Variants in COL23A1 observed in about 807,000 individuals in gnomAD.
COL23A1 encodes the protein collagen alpha-1(XXIII) chain.
A neutral mutation model predicts 99.3 loss-of-function variants in COL23A1; 97 were observed. The observed-to-expected ratio is 0.98, with a 90% CI of 0.83 to 1.16. The LOEUF (loss-of-function observed/expected upper bound fraction) is 1.16. Among genes scored for constraint, COL23A1 ranks in the 50% most tolerant of loss-of-function variants. The pLI is 0.00. For synonymous variants in COL23A1, 320 were observed against 308.2 expected, an observed-to-expected ratio of 1.04 and a Z score of -0.40; for missense variants, 762 against 757.4, an observed-to-expected ratio of 1.01 and a Z score of -0.07.
Position 178,255,239 on chromosome 5 carries a change from G to C in COL23A1, c.883-213C>G, listed in dbSNP as rs149207441. On this transcript the variant is annotated intron_variant, in intron 15 of 28. Transcript: ENST00000390654. The surrounding 1 kb of genome is among the most constrained non-coding windows in gnomAD (Gnocchi z 4.2). ...CCTGTTTCCACCTGGTCTGAGGGGC[G>C]GCTGTAATTGCCCTCACGTGGGCAT... is the stretch of plus-strand genomic sequence containing the variant. Among the ~76,000 whole-genome samples, 6 of 152,072 alleles carry C rather than the reference G, an allele frequency of 3.9e-5. No individual in the cohort carries two copies. The highest frequency in any genetic ancestry group is 1.4e-4 in the African/African-American group (6 of 41,408).
Position 178,271,398 on chromosome 5 carries a change from C to G in COL23A1, c.442-1035G>C, listed in dbSNP as rs1756280071. Among the ~76,000 whole-genome samples, 6 of 152,346 alleles carry G rather than the reference C, an allele frequency of 3.9e-5. 1 individual carries two copies. In the South Asian group the frequency reaches 1.2e-3, roughly 32 times the overall value. On this transcript the variant is annotated intron_variant, in intron 5 of 28. Coordinates refer to ENST00000390654, the MANE Select transcript of COL23A1 (RefSeq NM_173465.4). ...CACCTGCCGGGCACATCCTTCCCTT[C>G]TTTGTCCATCTTCAGCTCAGTTACC...
At chr5:178,289,113 G>A (rs1176517363) in intron 4 of COL23A1, among the ~76,000 whole-genome samples, 1 of 152,044 alleles carries the variant, frequency 6.6e-6, no homozygotes, top group African/African-American at 2.4e-5. Flanking sequence ...ACACAATCCT[G>A]CTGTCTTGCT....
At chr5:178,563,077 A>G (rs1465890569) in intron 1 of COL23A1, among the ~76,000 whole-genome samples, 2 of 152,206 alleles carry the variant, frequency 1.3e-5, no homozygotes, top group Non-Finnish European at 2.9e-5. Flanking sequence ...GGGCAGCCAG[A>G]GGGTACTCCA....
intron 2 of COL23A1, among the ~76,000 whole-genome samples, chr5:178,450,786 T>C (rs1767443278): frequency 6.6e-6 from 1 of 152,030 alleles, no homozygotes; most frequent in Non-Finnish European, 1.5e-5. Flanking sequence ...GCCTGGGAGG[T>C]AGGGACCATT....
At chr5:178,272,744 C>A (rs1449085799) in intron 5 of COL23A1, among the ~76,000 whole-genome samples, 2 of 152,006 alleles carry the variant, frequency 1.3e-5, no homozygotes, top group Non-Finnish European at 2.9e-5. Context: ...TGCCCCTTGT[C>A]CCCCTACCCC....
chr5:178,392,118 A>AT (rs57353104), intron 2 of COL23A1, among the ~76,000 whole-genome samples: 2,481 of 137,128 alleles, frequency 0.018, 53 homozygotes, highest in African/African-American at 0.057. Flanking sequence ...AGTGTCTGCT[A>AT]TTTTTTTTTT....
chr5:178,313,134 C>A lies in COL23A1; in HGVS notation c.362-6215G>T, dbSNP rs1471739206. 6.6e-6 allele frequency among the ~76,000 whole-genome samples: 1 copy of A among 152,146 alleles called. No individual in the cohort carries two copies. Among genetic ancestry groups the A allele is most frequent in the Non-Finnish European group, 1.5e-5 (1 of 68,030 alleles). ...AGGATTCCACTTCTGGAGGCTCCTG[C>A]AGTCGCCAGATTCACAGGGGCAGAA... On this transcript the variant is annotated intron_variant, in intron 2 of 28. Coordinates refer to ENST00000390654, the MANE Select transcript of COL23A1 (RefSeq NM_173465.4). This position sits in a 1 kb window ranked among gnomAD's most constrained non-coding sequence, Gnocchi z 4.2.
chr5:178,449,852 C>A (rs758509477), intron 2 of COL23A1, among the ~76,000 whole-genome samples: 1 of 152,160 alleles, frequency 6.6e-6, no homozygotes, highest in Non-Finnish European at 1.5e-5. Flanking sequence ...GTGACAGGAA[C>A]TGGACTTCAC....
chr5:178,347,945 C>T (rs7730618), intron 2 of COL23A1, among the ~76,000 whole-genome samples: 7,832 of 151,518 alleles, frequency 0.052, 308 homozygotes, highest in African/African-American at 0.1. Flanking sequence ...TTTAAATAGC[C>T]ACACGGACTA....
intron 2 of COL23A1, among the ~76,000 whole-genome samples, chr5:178,454,305 C>T (rs1055276701): frequency 1.3e-5 from 2 of 152,058 alleles, no homozygotes; most frequent in Admixed American, 1.3e-4. Flanking sequence ...AATTTAAAAG[C>T]CTATGAAAAG....
chr5:178,312,874 A>G (rs959460768), intron 2 of COL23A1, among the ~76,000 whole-genome samples: 3 of 152,184 alleles, frequency 2.0e-5, no homozygotes, highest in Non-Finnish European at 2.9e-5. Context: ...CTTCCTATAG[A>G]TCAGGGGAAC....
intron 25 of COL23A1, among the ~76,000 whole-genome samples, chr5:178,245,183 CCAT>C (rs1445638577): frequency 6.7e-6 from 1 of 149,000 alleles, no homozygotes; most frequent in Non-Finnish European, 1.5e-5. Context: ...CCCTCCACTG[CCAT>C]CATCATCCAT....
intron 2 of COL23A1, among the ~76,000 whole-genome samples, chr5:178,456,374 G>C (rs1767793999): frequency 6.6e-6 from 1 of 152,182 alleles, no homozygotes; most frequent in Non-Finnish European, 1.5e-5. Flanking sequence ...GATATCAGAT[G>C]GGACTGGACA....
chr5:178,248,378 C>T (rs1282276184), intron 19 of COL23A1, 124 bp from the exon 20 acceptor site: 44 of 705,998 alleles, frequency 6.2e-5, no homozygotes, highest in Non-Finnish European at 4.2e-5. Context: ...TTAGCTGTTG[C>T]AACTGAAAAG....
chr5:178,503,875 A>G (rs1758716044), intron 2 of COL23A1, among the ~76,000 whole-genome samples: 1 of 151,938 alleles, frequency 6.6e-6, no homozygotes, highest in Non-Finnish European at 1.5e-5. Flanking sequence ...CCCAAGGCGG[A>G]GCGGGCAGAG....
At chr5:178,380,375 G>A (rs58651295) in intron 2 of COL23A1, among the ~76,000 whole-genome samples, 2,891 of 150,028 alleles carry the variant, frequency 0.019, 91 homozygotes, top group African/African-American at 0.066. Flanking sequence ...CTTATCCTTG[G>A]ATTTCTAGAG....
At chr5:178,345,127 T>A in intron 2 of COL23A1, 2 of 612,182 alleles carry the variant, frequency 3.3e-6, no homozygotes. Flanking sequence ...AAGATGGTCA[T>A]CTAAAGTTCA....
chr5:178,337,439 A>C (rs1280754143), intron 2 of COL23A1, among the ~76,000 whole-genome samples: 1 of 152,226 alleles, frequency 6.6e-6, no homozygotes, highest in Non-Finnish European at 1.5e-5. Context: ...AATTGGTTCC[A>C]TAAATTGGAG....
rs775174143 is a variant in COL23A1 at position 178,238,666 on chromosome 5, G to A, written c.*32C>T. On this transcript the variant is annotated 3_prime_UTR_variant, in exon 29 of 29. Transcript: ENST00000390654. ...TTACAAAAATTAAAAATGTCCACAC[G>A]GATCTGTACAGGTGTGAGCTGGGCC... 11 of 1,611,384 alleles carry A rather than the reference G, an allele frequency of 6.8e-6. No individual in the cohort carries two copies. The highest frequency in any genetic ancestry group is 5.5e-5 in the South Asian group (5 of 90,964).
Sources: allele counts gnomAD v4.1 joint callset (sites outside exome capture counted in the v4.1 genomes callset), GRCh38; gene constraint gnomAD v4.1.1; non-coding constraint Gnocchi (gnomAD v3.1); transcripts MANE v1.5; gene names NCBI Gene and HGNC (gene_info 2026-07-23, HGNC 2026-07-21).